Variants in ROBO2 observed in about 807,000 individuals in gnomAD.
ROBO2 encodes roundabout guidance receptor 2.
In ROBO2, 53 loss-of-function variants were observed where a neutral mutation model predicts 160.8. The ratio of observed to expected loss-of-function variants is 0.33; its 90% CI spans 0.26 to 0.41. The LOEUF is 0.41. Ranked by LOEUF, ROBO2 falls within the 10% of genes least tolerant of loss-of-function variation. ROBO2 has a pLI of 1.00. For missense variants in ROBO2, 1,577 were observed against 1,722.4 expected (o/e 0.92, Z 1.49); for synonymous variants, 664 against 611.7 (o/e 1.09, Z -1.26).
chr3:76,439,824 C>T (rs1009674008), intron 2 of ROBO2, among the ~76,000 whole-genome samples: 1 of 152,148 alleles, frequency 6.6e-6, no homozygotes, highest in African/African-American at 2.4e-5. Context: ...TACCCTCTTT[C>T]TTTTGCCGTT....
chr3:76,823,264 C>T (rs1356327580), intron 2 of ROBO2, among the ~76,000 whole-genome samples: 1 of 152,088 alleles, frequency 6.6e-6, no homozygotes, highest in East Asian at 1.9e-4. Flanking sequence ...TTTATTGACC[C>T]ACACAATGAA....
chr3:76,646,198 C>G (rs1228928549), intron 2 of ROBO2, among the ~76,000 whole-genome samples: 1 of 151,984 alleles, frequency 6.6e-6, no homozygotes, highest in African/African-American at 2.4e-5. Flanking sequence ...TTGGAGATAC[C>G]CTTGTAGTCC....
At chr3:77,336,236 G>C (rs909956541) in intron 2 of ROBO2, among the ~76,000 whole-genome samples, 1 of 152,164 alleles carries the variant, frequency 6.6e-6, no homozygotes, top group Non-Finnish European at 1.5e-5. Flanking sequence ...TGGGTGCATG[G>C]TGTACAGAGT....
At chr3:76,695,035 T>C (rs1055742734) in intron 2 of ROBO2, among the ~76,000 whole-genome samples, 1 of 151,802 alleles carries the variant, frequency 6.6e-6, no homozygotes, top group Admixed American at 6.6e-5. Flanking sequence ...ATTCGGGAGG[T>C]GGAGATTGCA....
intron 2 of ROBO2, among the ~76,000 whole-genome samples, chr3:76,770,101 C>T (rs1017350480): frequency 6.6e-6 from 1 of 151,378 alleles, no homozygotes; most frequent in Admixed American, 6.6e-5. Context: ...AAATTACCAT[C>T]ATGTAATGTT....
chr3:76,630,222 T>G (rs2089944009), intron 2 of ROBO2, among the ~76,000 whole-genome samples: 2 of 152,194 alleles, frequency 1.3e-5, no homozygotes, highest in African/African-American at 4.8e-5. Flanking sequence ...ATGTGCATGT[T>G]AGGTATCTAC....
In ROBO2 at chr3:77,433,486, G is replaced by GTATATATATATA. The variant is rs57475227; in HGVS notation, c.389-43906_389-43895dup. ...GATTTTCCTTCTTCTCTGGCAACTTGTATATATATATATATATATATATAT... is the reference window on the plus strand; with the variant it reads ...GATTTTCCTTCTTCTCTGGCAACTTGTATATATATATATATATATATATATATATATATATAT... On this transcript the variant is annotated intron_variant, in intron 2 of 25. Transcript: ENST00000461745. Among the ~76,000 whole-genome samples, 405 of 99,300 alleles carry GTATATATATATA rather than the reference G, an allele frequency of 4.1e-3. 4 individuals carry two copies. Among genetic ancestry groups the GTATATATATATA allele is most frequent in the African/African-American group, 0.013 (366 of 28,270 alleles). 65.1% of individuals were successfully genotyped at this position (99,300 alleles called of 152,430 possible). A position where few individuals can be genotyped will look rare whatever the true frequency, so the allele number is the denominator to read the frequency against.
chr3:77,648,133 A>G (rs916870961), exon 26 of ROBO2: 3 of 152,154 alleles, frequency 2.0e-5, no homozygotes, highest in Non-Finnish European at 4.4e-5. Flanking sequence ...AGGAAGATGA[A>G]AAGTTTCTTC....
intron 2 of ROBO2, among the ~76,000 whole-genome samples, chr3:76,842,193 A>C (rs2148476801): frequency 6.6e-6 from 1 of 152,330 alleles, no homozygotes; most frequent in African/African-American, 2.4e-5. Flanking sequence ...CAGAGTCATA[A>C]GATTGAAAAC....
chr3:76,479,169 T>C (rs1003033492), intron 2 of ROBO2, among the ~76,000 whole-genome samples: 2 of 152,178 alleles, frequency 1.3e-5, no homozygotes, highest in Non-Finnish European at 1.5e-5. Context: ...CCCTTAGAAA[T>C]ACCACATGCA....
intron 2 of ROBO2, among the ~76,000 whole-genome samples, chr3:76,756,927 A>G (rs1435492635): frequency 6.6e-6 from 1 of 151,888 alleles, no homozygotes; most frequent in African/African-American, 2.4e-5. Context: ...AAGACTGTGA[A>G]GGGATTATTA....
chr3:76,461,683 A>G (rs2078094278), intron 2 of ROBO2, among the ~76,000 whole-genome samples: 1 of 152,212 alleles, frequency 6.6e-6, no homozygotes, highest in Non-Finnish European at 1.5e-5. Context: ...AAATTCTTCA[A>G]AGCTCTTGGT....
chr3:77,325,701 G>A (rs13061213), intron 2 of ROBO2, among the ~76,000 whole-genome samples: 61,953 of 152,062 alleles, frequency 0.41, 14,211 homozygotes, highest in African/African-American at 0.62. Flanking sequence ...TTATTGTTAA[G>A]TAATCTTTTG....
intron 4 of ROBO2, among the ~76,000 whole-genome samples, chr3:77,492,419 T>A (rs559589026): frequency 6.6e-6 from 1 of 152,318 alleles, no homozygotes; most frequent in South Asian, 2.1e-4. Flanking sequence ...GATACAGACT[T>A]ATTTTTCTCT....
At chr3:76,910,639 T>G (rs2075916166) in intron 2 of ROBO2, among the ~76,000 whole-genome samples, 1 of 140,028 alleles carries the variant, frequency 7.1e-6, no homozygotes, top group Non-Finnish European at 1.5e-5. Flanking sequence ...GGCAGGAGAA[T>G]CGCTTGAACC....
intron 2 of ROBO2, among the ~76,000 whole-genome samples, chr3:76,176,584 T>A (rs1255028269): frequency 1.3e-5 from 2 of 152,152 alleles, no homozygotes; most frequent in Non-Finnish European, 2.9e-5. Context: ...AAAAGATTTT[T>A]CTCTAAGGTC....
At chr3:77,377,168 T>C (rs995125917) in intron 2 of ROBO2, among the ~76,000 whole-genome samples, 2 of 152,158 alleles carry the variant, frequency 1.3e-5, no homozygotes, top group Non-Finnish European at 2.9e-5. Flanking sequence ...GGATATAAAA[T>C]AAATTTACAT....
intron 2 of ROBO2, among the ~76,000 whole-genome samples, chr3:76,655,895 G>T (rs1217763535): frequency 6.6e-6 from 1 of 151,920 alleles, no homozygotes; most frequent in Admixed American, 6.6e-5. Flanking sequence ...CATTTTTATT[G>T]TATGACATTA....
chr3:77,054,923 C>CGTGTGTGTGT (rs1426385625), intron 1 of ROBO2, among the ~76,000 whole-genome samples: 142 of 58,804 alleles, frequency 2.4e-3, no homozygotes, highest in Middle Eastern at 8.3e-3. Context: ...CAAAATCTCG[C>CGTGTGTGTGT]GTGTATGTGT....
Sources: gnomAD v4.1 joint callset for allele counts (sites outside exome capture counted in the v4.1 genomes callset) on GRCh38, gnomAD v4.1.1 for gene constraint, MANE v1.5 for transcripts, NCBI Gene and HGNC (gene_info 2026-07-23, HGNC 2026-07-21) for gene names.